GRIP2: variants seen among roughly 807,000 people sequenced by gnomAD.
The protein encoded by GRIP2 is glutamate receptor interacting protein 2, also known as glutamate receptor-interacting protein 2.
In GRIP2, 58 loss-of-function variants were observed where a neutral mutation model predicts 108.3. That is an observed-to-expected ratio of 0.54 (90% CI 0.43 to 0.67). The LOEUF is 0.67. Among genes scored for constraint, GRIP2 ranks in the 30% least tolerant of loss-of-function variants. The probability of loss-of-function intolerance (pLI) is 0.00; values close to 1 mark genes in which losing one functional copy is unlikely to be tolerated. For missense variants in GRIP2, 1,278 were observed against 1,430.6 expected, an observed-to-expected ratio of 0.89 and a Z score of 1.72; for synonymous variants, 586 against 598.2, an observed-to-expected ratio of 0.98 and a Z score of 0.30.
At chr3:14,500,616 C>T (rs1693739128) in intron 21 of GRIP2, among the ~76,000 whole-genome samples, 1 of 152,136 alleles carries the variant, frequency 6.6e-6, no homozygotes, top group African/African-American at 2.4e-5. Context: ...GTCAACTAAA[C>T]TATCATTTAA....
the GRIP2 span, among the ~76,000 whole-genome samples, chr3:14,577,578 G>T: frequency 3.3e-5 from 5 of 152,280 alleles, no homozygotes; most frequent in Non-Finnish European, 5.9e-5. Context: ...TTTCCTTCTG[G>T]ACTTAGCTCA....
At chr3:14,540,797 C>G (rs931178531), upstream of GRIP2, among the ~76,000 whole-genome samples, 3 of 152,154 alleles carry the variant, frequency 2.0e-5, no homozygotes, top group Non-Finnish European at 4.4e-5. The surrounding 1 kb of genome is among the most constrained non-coding windows in gnomAD (Gnocchi z 4.1). Flanking sequence ...ATGAACAATG[C>G]CAGGGCGTCT....
the GRIP2 span, among the ~76,000 whole-genome samples, chr3:14,575,318 G>A: frequency 2.4e-3 from 368 of 152,324 alleles, no homozygotes; most frequent in Non-Finnish European, 4.1e-3. Context: ...GAATATGCCC[G>A]CACCACCCCC....
At chr3:14,543,607 A>G (rs1407717905), upstream of GRIP2, among the ~76,000 whole-genome samples, 1 of 152,272 alleles carries the variant, frequency 6.6e-6, no homozygotes, top group Non-Finnish European at 1.5e-5. Context: ...AGGGAAGCAG[A>G]AGAAAAGGGG....
chr3:14,562,299 T>C, the GRIP2 span, among the ~76,000 whole-genome samples: 490 of 152,248 alleles, frequency 3.2e-3, 1 homozygote, highest in African/African-American at 0.011. Context: ...TAAGGAAGTG[T>C]TCAGGGTCTG....
At chr3:14,513,078 T>C (rs767016902) in intron 13 of GRIP2, among the ~76,000 whole-genome samples, 1 of 152,146 alleles carries the variant, frequency 6.6e-6, no homozygotes, top group Non-Finnish European at 1.5e-5. Context: ...GAGTCGGGGC[T>C]GGAACCAGGC....
rs563148172 is a variant in GRIP2, at chr3:14,533,951, G to A, written c.40+6318C>T. On this transcript the variant is annotated intron_variant, in intron 1 of 23. Transcript: ENST00000621039. ...AAAGAGTCAGTGGGCAGCAGGCGAG[G>A]CCTCGAGAGACTTCCCTAGGCATCT... Among the ~76,000 whole-genome samples, 3 of 152,314 alleles carry A rather than the reference G, an allele frequency of 2.0e-5. No homozygotes were observed. The East Asian group carries it at 5.8e-4, about 29-fold the overall frequency.
At chr3:14,506,718 C>T in intron 19 of GRIP2, 83 bp downstream of exon 19, 1 of 1,289,910 alleles carries the variant, frequency 7.8e-7, no homozygotes, top group South Asian at 1.7e-5. Flanking sequence ...GAGGAACAGG[C>T]ACAAGAACAG....
Position 14,490,841 on chromosome 3 carries a change from T to A in GRIP2, c.*2824A>T, listed in dbSNP as rs1345036117. The A allele has an allele frequency of 6.6e-6, 1 of 152,268 alleles. No homozygotes were observed. Among genetic ancestry groups the A allele is most frequent in the African/African-American group, 2.4e-5 (1 of 41,480 alleles). 9.4% of individuals were successfully genotyped at this position (152,268 alleles called of 1,614,324 possible). A position where few individuals can be genotyped will look rare whatever the true frequency, so the allele number is the denominator to read the frequency against. The stretch of plus-strand genomic sequence containing the variant: ...CAGGTCTCATTGCAAATGTCGCCTC[T>A]TGAGAGAAACCCCTCCTAATATTGT... On this transcript the variant is annotated 3_prime_UTR_variant, in exon 24 of 24. Coordinates refer to ENST00000621039, the MANE Select transcript of GRIP2 (RefSeq NM_001080423.4).
At chr3:14,588,400 AC>A in the GRIP2 span, among the ~76,000 whole-genome samples, 1 of 151,780 alleles carries the variant, frequency 6.6e-6, no homozygotes, top group South Asian at 2.1e-4. Flanking sequence ...CCTACCTACT[AC>A]CCAGGAGAGC....
Position 14,505,252 on chromosome 3 carries a change from C to T in GRIP2, c.2573+363G>A, listed in dbSNP as rs1376141951. On this transcript the variant is annotated intron_variant, in intron 20 of 23. Transcript: ENST00000621039. The surrounding 1 kb of genome is among the most constrained non-coding windows in gnomAD (Gnocchi z 4.2). ...ACTCGGCACAGCCCAGGGATGGTGC[C>T]GGTGGGCTGAGGGCCCTCGCAGGAG... is the stretch of plus-strand genomic sequence containing the variant. 2.6e-5 allele frequency among the ~76,000 whole-genome samples: 4 copies of T among 152,134 alleles called. No individual in the cohort carries two copies. Among genetic ancestry groups the T allele is most frequent in the Non-Finnish European group, 5.9e-5 (4 of 68,022 alleles).
intron 1 of GRIP2, among the ~76,000 whole-genome samples, chr3:14,529,657 T>G (rs1243832328): frequency 6.6e-6 from 1 of 152,240 alleles, no homozygotes; most frequent in East Asian, 1.9e-4. Flanking sequence ...CTTTTTCTGT[T>G]GCTCCTTATC....
At chr3:14,542,146 ATTTTTTATT>A (rs1482277934), upstream of GRIP2, 14 of 1,068,068 alleles carry the variant, frequency 1.3e-5, no homozygotes, top group Non-Finnish European at 1.5e-5. Flanking sequence ...CTCTCTTTTT[ATTTTTTATT>A]TTTTTTATTT....
At chr3:14,602,311 CT>C in the GRIP2 span, 152,000 of 152,004 alleles carry the variant, frequency 1, 75,998 homozygotes, top group Middle Eastern at 1. The surrounding 1 kb of genome is among the most constrained non-coding windows in gnomAD (Gnocchi z 4.7). Context: ...CGCAGCGCTG[CT>C]GTGCAGGGGC....
At chr3:14,526,773 T>C (rs1435718680) in intron 1 of GRIP2, among the ~76,000 whole-genome samples, 1 of 152,248 alleles carries the variant, frequency 6.6e-6, no homozygotes, top group Admixed American at 6.5e-5. Flanking sequence ...TCTTTTTTGC[T>C]TCTTTTGAGT....
chr3:14,557,358 G>A (rs938228618), upstream of GRIP2, among the ~76,000 whole-genome samples: 8 of 152,210 alleles, frequency 5.3e-5, no homozygotes, highest in African/African-American at 1.4e-4. Flanking sequence ...CTACCTCCCT[G>A]AAACTTGCAG....
At chr3:14,564,425 C>A in the GRIP2 span, among the ~76,000 whole-genome samples, 8 of 152,350 alleles carry the variant, frequency 5.3e-5, no homozygotes, top group South Asian at 1.7e-3. Flanking sequence ...TGACCCCAGG[C>A]TCCCTCCCCA....
chr3:14,524,534 C>T lies in GRIP2; in HGVS notation c.262G>A (p.Asp88Asn), dbSNP rs560439877. 6.4e-7 allele frequency: 1 copy of T among 1,552,400 alleles called. No homozygotes were observed. Among genetic ancestry groups the T allele is most frequent in the African/African-American group, 1.4e-5 (1 of 73,222 alleles). ...LRPGGLAARS[D>N]LLNIGDYIRS... is the part of the protein sequence containing the mutation. ...ATATAGTCACCAATGTTCAGCAGAT[C>T]ACTCCTAGAGCAGGAAGGCCAGGGC... Residue 88 changes from aspartate (D) to asparagine (N), a missense_variant, in exon 4 of 24, where the codon GAT becomes AAT. Coordinates refer to ENST00000621039, the MANE Select transcript of GRIP2 (RefSeq NM_001080423.4).
At chr3:14,498,001 A>T (rs939684360) in intron 21 of GRIP2, among the ~76,000 whole-genome samples, 2 of 152,132 alleles carry the variant, frequency 1.3e-5, no homozygotes, top group South Asian at 2.1e-4. Flanking sequence ...TTACTCTAAC[A>T]TCGTGCAATC....
Sources: gnomAD v4.1 joint callset for allele counts (sites outside exome capture counted in the v4.1 genomes callset) on GRCh38, gnomAD v4.1.1 for gene constraint, Gnocchi (gnomAD v3.1) non-coding constraint, MANE v1.5 for transcripts, NCBI Gene and HGNC (gene_info 2026-07-23, HGNC 2026-07-21) for gene names.